Variants in MIPOL1 observed in about 807,000 individuals in gnomAD.
The protein encoded by MIPOL1 is mirror-image polydactyly gene 1 protein.
MIPOL1 carries 57 observed loss-of-function variants against 60.9 expected under a neutral mutation model. The observed-to-expected ratio is 0.94, with a 90% CI of 0.76 to 1.17. The LOEUF (loss-of-function observed/expected upper bound fraction) is 1.17, where lower values mean the gene tolerates loss of function less well. Among genes scored for constraint, MIPOL1 ranks in the 50% most tolerant of loss-of-function variants. MIPOL1 has a pLI of 0.00. For synonymous variants in MIPOL1, 179 were observed against 168.8 expected (o/e 1.06, Z -0.47); for missense variants, 551 against 511.6 (o/e 1.08, Z -0.74).
At chr14:37,473,092 A>AT (rs1458821843) in intron 11 of MIPOL1, among the ~76,000 whole-genome samples, 1 of 152,148 alleles carries the variant, frequency 6.6e-6, no homozygotes, top group African/African-American at 2.4e-5. Context: ...TGTTGGGGTT[A>AT]TGGGAGCAGA....
intron 11 of MIPOL1, among the ~76,000 whole-genome samples, chr14:37,491,581 G>T (rs2095048864): frequency 6.6e-6 from 1 of 152,118 alleles, no homozygotes; most frequent in Non-Finnish European, 1.5e-5. Flanking sequence ...AGAATTATTT[G>T]TATAGGTTGT....
chr14:37,338,249 G>A (rs1371060114), intron 9 of MIPOL1, among the ~76,000 whole-genome samples: 1 of 151,636 alleles, frequency 6.6e-6, no homozygotes, highest in Non-Finnish European at 1.5e-5. Flanking sequence ...TGGGACTACA[G>A]GCACCTGCCA....
chr14:37,288,343 G>A (rs2084765177), intron 7 of MIPOL1, among the ~76,000 whole-genome samples: 1 of 152,006 alleles, frequency 6.6e-6, no homozygotes, highest in African/African-American at 2.4e-5. Context: ...GAGAGATAGG[G>A]AGTGGGCTGA....
chr14:37,303,255 A>G (rs1210045896), intron 7 of MIPOL1, among the ~76,000 whole-genome samples: 1 of 151,908 alleles, frequency 6.6e-6, no homozygotes, highest in Non-Finnish European at 1.5e-5. Context: ...AAGTCAGTCA[A>G]TTACACATTG....
At chr14:37,479,642 T>A (rs1288799247) in intron 11 of MIPOL1, among the ~76,000 whole-genome samples, 1 of 151,730 alleles carries the variant, frequency 6.6e-6, no homozygotes, top group African/African-American at 2.4e-5. Context: ...AGGAAAAGAA[T>A]AACAAACTAA....
intron 3 of MIPOL1, among the ~76,000 whole-genome samples, chr14:37,258,119 A>G (rs1975263154): frequency 6.6e-6 from 1 of 152,134 alleles, no homozygotes; most frequent in Non-Finnish European, 1.5e-5. Flanking sequence ...TAGAACTAAC[A>G]TTGTGTTTCA....
chr14:37,542,746 T>C (rs1219156616), intron 12 of MIPOL1, among the ~76,000 whole-genome samples: 2 of 152,184 alleles, frequency 1.3e-5, no homozygotes, highest in Non-Finnish European at 2.9e-5. Context: ...GAGTTATCCA[T>C]ATAAAGATCT....
At chr14:37,276,259 A>G (rs758061287) in intron 6 of MIPOL1, 6 of 150,956 alleles carry the variant, frequency 4.0e-5, no homozygotes, top group Non-Finnish European at 8.9e-5. Context: ...TTAGACTGAT[A>G]TTTTGTAAAT....
intron 11 of MIPOL1, among the ~76,000 whole-genome samples, chr14:37,429,849 T>A (rs184563961): frequency 1.3e-5 from 2 of 152,274 alleles, no homozygotes; most frequent in East Asian, 3.9e-4. Context: ...TGTTTTGTTT[T>A]AATGGTAGTG....
intron 11 of MIPOL1, among the ~76,000 whole-genome samples, chr14:37,472,909 A>C (rs950377820): frequency 6.6e-6 from 1 of 152,232 alleles, no homozygotes; most frequent in Middle Eastern, 3.4e-3. Context: ...AAGCCCGCCT[A>C]TGGAGGTGCT....
intron 1 of MIPOL1, among the ~76,000 whole-genome samples, chr14:37,224,215 C>T (rs1193315781): frequency 3.3e-5 from 5 of 152,130 alleles, no homozygotes; most frequent in Non-Finnish European, 7.4e-5. Flanking sequence ...TGTGGTGGCT[C>T]ATGTCTGTAA....
intron 9 of MIPOL1, among the ~76,000 whole-genome samples, chr14:37,325,513 T>A (rs897934549): frequency 1.3e-5 from 2 of 151,862 alleles, no homozygotes; most frequent in Admixed American, 6.6e-5. Flanking sequence ...TCCTTTTCTT[T>A]CTTTCCTTCC....
At chr14:37,261,627 G>A (rs368896691) in intron 3 of MIPOL1, among the ~76,000 whole-genome samples, 30 of 152,224 alleles carry the variant, frequency 2.0e-4, no homozygotes, top group African/African-American at 7.2e-4. Context: ...TCACAGAAAG[G>A]TGAGAGAAAT....
chr14:37,239,048 A>ATTTT (rs569559063), intron 1 of MIPOL1, among the ~76,000 whole-genome samples: 1 of 134,152 alleles, frequency 7.5e-6, no homozygotes. Context: ...ACATTGCTTA[A>ATTTT]TTTTTTTTTT....
At chr14:37,527,614 T>C (rs968727128) in intron 12 of MIPOL1, among the ~76,000 whole-genome samples, 18 of 152,148 alleles carry the variant, frequency 1.2e-4, no homozygotes, top group African/African-American at 3.6e-4. Context: ...AGATTCTAGA[T>C]TGGGTTCATT....
In MIPOL1 at chr14:37,308,419, T is replaced by C; in HGVS notation, c.728T>C (p.Ile243Thr). The C allele has an allele frequency of 6.2e-7, 1 of 1,606,294 alleles. No individual in the cohort carries two copies. The highest frequency in any genetic ancestry group is 1.3e-5 in the African/African-American group (1 of 74,730). The change falls in exon 9 of 13, where the codon ATA becomes ACA. Residue 243 changes from isoleucine (I) to threonine (T), a missense_variant. Ile to Thr is a moderately conservative substitution (Grantham distance 89, BLOSUM62 -1). Transcript: ENST00000684589. ...ATAGCTATTCAGAAGAATGGAGCTA[T>C]AATTGTGGATAGAATCTACAAGACC... is the stretch of plus-strand genomic sequence containing the variant. ...TGIAIQKNGAIIVDRIYKTKE... is the reference protein window; with the variant it reads ...TGIAIQKNGATIVDRIYKTKE...
At chr14:37,303,895 C>A (rs1330844143) in intron 7 of MIPOL1, among the ~76,000 whole-genome samples, 1 of 151,732 alleles carries the variant, frequency 6.6e-6, no homozygotes, top group African/African-American at 2.4e-5. Context: ...GTATCAGAGT[C>A]TAGGAGTTCA....
At chr14:37,545,681 A>C in intron 12 of MIPOL1, 1 of 657,612 alleles carries the variant, frequency 1.5e-6, no homozygotes, top group Non-Finnish European at 2.7e-6. Flanking sequence ...TGATAGATAC[A>C]AAATCATCCA....
intron 10 of MIPOL1, 88 bp from the exon 11 acceptor site, chr14:37,422,767 T>G: frequency 1.3e-6 from 1 of 782,354 alleles, no homozygotes; most frequent in South Asian, 1.9e-5. Context: ...TAACTGTCAG[T>G]AATTTAAGAC....
Sources: allele counts gnomAD v4.1 joint callset (sites outside exome capture counted in the v4.1 genomes callset), GRCh38; gene constraint gnomAD v4.1.1; transcripts MANE v1.5; gene names NCBI Gene and HGNC (gene_info 2026-07-23, HGNC 2026-07-21).